Variants in IYD observed in about 807,000 individuals in gnomAD.
IYD encodes the protein iodotyrosine deiodinase 1.
A neutral mutation model predicts 28.4 loss-of-function variants in IYD; 25 were observed. The ratio of observed to expected loss-of-function variants is 0.88; its 90% confidence interval spans 0.64 to 1.23. IYD has a LOEUF of 1.23. Ranked by LOEUF, IYD falls within the 50% of genes most tolerant of loss-of-function variation. The pLI is 0.00. For synonymous variants in IYD, 140 were observed against 130.8 expected, an observed-to-expected ratio of 1.07 and a Z score of -0.48; for missense variants, 352 against 357.9, an observed-to-expected ratio of 0.98 and a Z score of 0.13.
rs777830615 is a variant in IYD, at chr6:150,398,160, G to A, written c.793G>A (p.Val265Met). 27 of 1,614,156 alleles carry A rather than the reference G, an allele frequency of 1.7e-5. No homozygotes were observed. Among genetic ancestry groups the A allele is most frequent in the South Asian group, 2.2e-5 (2 of 91,074 alleles). ...AHEKLLMLLPVGYPSKEATVP... is the reference protein window; with the variant it reads ...AHEKLLMLLPMGYPSKEATVP... ...TGAAAAGCTGCTGATGCTGCTCCCCGTGGGGTACCCCAGCAAGGAGGCCAC... is the reference window on the plus strand; with the variant it reads ...TGAAAAGCTGCTGATGCTGCTCCCCATGGGGTACCCCAGCAAGGAGGCCAC... Residue 265 changes from valine to methionine, a missense_variant, in exon 5 of 5, where the codon GTG (valine) becomes ATG (methionine). By Grantham distance (21) the Val-to-Met change is conservative (BLOSUM62 1). Coordinates refer to ENST00000344419, the MANE Select transcript of IYD (RefSeq NM_203395.3).
rs4407723 is a variant in IYD at position 150,395,397 on chromosome 6, T to A, written c.687+1142T>A. The A allele has an allele frequency of 0.073, 112,734 of 1,536,342 alleles. 12,044 individuals carry two copies. Among genetic ancestry groups the A allele is most frequent in the African/African-American group, 0.43 (31,649 of 72,946 alleles). On this transcript the variant is annotated intron_variant, in intron 4 of 4. Transcript: ENST00000344419. Reference sequence around the variant, plus strand: ...TAGTCATTGAAATGTGTTTTAGGTTTTTGGAAAAATTATCCTGAAGGAGCT... The same window carrying A: ...TAGTCATTGAAATGTGTTTTAGGTTATTGGAAAAATTATCCTGAAGGAGCT...
chr6:150,388,616 A>G (rs1039539358), intron 1 of IYD, among the ~76,000 whole-genome samples: 1 of 135,900 alleles, frequency 7.4e-6, no homozygotes, highest in Admixed American at 7.2e-5. Context: ...CTAGATTTAT[A>G]GTCTGGAGTT....
In IYD at chr6:150,394,136, A is replaced by G. The variant is rs1457416351; in HGVS notation, c.568A>G (p.Ile190Val). Reference sequence around the variant, plus strand: ...TAAAGAGTACTTGGATACTGCCCCTATTTTGATTCTCATTTTCAAACAAGT... The same window carrying G: ...TAAAGAGTACTTGGATACTGCCCCTGTTTTGATTCTCATTTTCAAACAAGT... ...WIKEYLDTAP[I>V]LILIFKQVHG... Residue 190 changes from isoleucine to valine, a missense_variant, in exon 4 of 5, where the codon ATT (isoleucine) becomes GTT (valine). Ile to Val is a conservative substitution (Grantham distance 29). Transcript: ENST00000344419. 1 of 1,614,166 alleles carries G rather than the reference A, an allele frequency of 6.2e-7. No homozygotes were observed. Among genetic ancestry groups the G allele is most frequent in the East Asian group, 2.2e-5 (1 of 44,884 alleles).
rs1056380653 is a variant in IYD at position 150,402,546 on chromosome 6, G to A, written c.*4309G>A. 3.3e-5 allele frequency: 5 copies of A among 152,254 alleles called. No homozygotes were observed. The highest frequency in any genetic ancestry group is 7.3e-5 in the Non-Finnish European group (5 of 68,052). The allele number at this position is 152,254 out of a possible 1,614,324, so 9.4% of individuals were successfully genotyped here. A position where few individuals can be genotyped will look rare whatever the true frequency, so the allele number is the denominator to read the frequency against. On this transcript the variant is annotated 3_prime_UTR_variant, in exon 5 of 5. Transcript: ENST00000344419. ...AGAAAAGGAGGGGAGAAGGAAAGTT[G>A]AAGAAATTGGTGAAATCAGAATAGG...
chr6:150,370,355 G>A (rs576624554), intron 1 of IYD: 19 of 295,194 alleles, frequency 6.4e-5, no homozygotes, highest in Non-Finnish European at 9.0e-5. Context: ...GTGCACGTGT[G>A]TGCATGAGTG....
intron 1 of IYD, among the ~76,000 whole-genome samples, chr6:150,371,324 CAGGAAGG>C (rs1777232439): frequency 1.3e-5 from 2 of 152,206 alleles, no homozygotes; most frequent in Non-Finnish European, 2.9e-5. Flanking sequence ...AGGGTAAGCT[CAGGAAGG>C]TGATTGCAGA....
rs759800028 is a variant in IYD, at chr6:150,402,349, C to T, written c.*4112C>T. On this transcript the variant is annotated 3_prime_UTR_variant, in exon 5 of 5. Transcript: ENST00000344419. Reference sequence around the variant, plus strand: ...AGGAGTGACCTCCTCAGTCTCACAACCCTTTGGCTAGAACTAGTCATGTGA... The same window carrying T: ...AGGAGTGACCTCCTCAGTCTCACAATCCTTTGGCTAGAACTAGTCATGTGA... 1 of 152,182 alleles carries T rather than the reference C, an allele frequency of 6.6e-6. No individual in the cohort carries two copies. Among genetic ancestry groups the T allele is most frequent in the Non-Finnish European group, 1.5e-5 (1 of 68,030 alleles). 9.4% of individuals were successfully genotyped at this position (152,182 alleles called of 1,614,324 possible). A position where few individuals can be genotyped will look rare whatever the true frequency, so the allele number is the denominator to read the frequency against.
rs1336469896 is a variant in IYD at position 150,395,431 on chromosome 6, T to C, written c.687+1176T>C. 12 of 1,537,270 alleles carry C rather than the reference T, an allele frequency of 7.8e-6. No homozygotes were observed. The South Asian group carries it at 1.3e-4, about 17-fold the overall frequency. ...ATTATCCTGAAGGAGCTGGCATTGATTTCCTTCCTGAATCTGTAAGCAGGT... is the reference window on the plus strand; with the variant it reads ...ATTATCCTGAAGGAGCTGGCATTGACTTCCTTCCTGAATCTGTAAGCAGGT... On this transcript the variant is annotated intron_variant, in intron 4 of 4. Coordinates refer to ENST00000344419, the MANE Select transcript of IYD (RefSeq NM_203395.3).
At chr6:150,392,272 G>T in intron 2 of IYD, 73 bp from the exon 3 acceptor site, 1 of 1,606,640 alleles carries the variant, frequency 6.2e-7, no homozygotes, top group Non-Finnish European at 8.5e-7. Context: ...CTACAGGGAT[G>T]AGCCTCTCCT....
At chr6:150,370,673 T>C (rs1266338786) in intron 1 of IYD, 1 of 985,126 alleles carries the variant, frequency 1.0e-6, no homozygotes, top group African/African-American at 1.7e-5. Context: ...TGGGTAATGG[T>C]TTGTGCTGGT....
At chr6:150,370,741 T>A in intron 1 of IYD, 2 of 827,908 alleles carry the variant, frequency 2.4e-6, no homozygotes, top group Non-Finnish European at 2.9e-6. Context: ...TGGATCAGAG[T>A]AAAGTTAATG....
chr6:150,380,845 C>A (rs531893204), intron 1 of IYD, among the ~76,000 whole-genome samples: 1 of 152,144 alleles, frequency 6.6e-6, no homozygotes, highest in Non-Finnish European at 1.5e-5. Flanking sequence ...TCTTTTGAGC[C>A]ACTGTCATAG....
intron 1 of IYD, among the ~76,000 whole-genome samples, chr6:150,379,670 G>T (rs183100158): frequency 1.3e-5 from 2 of 152,180 alleles, no homozygotes; most frequent in Non-Finnish European, 2.9e-5. Flanking sequence ...AATCGGAGAA[G>T]ATTAAAATTC....
At chr6:150,393,697 T>A (rs1395452604) in intron 3 of IYD, among the ~76,000 whole-genome samples, 3 of 152,236 alleles carry the variant, frequency 2.0e-5, no homozygotes, top group African/African-American at 7.2e-5. Context: ...CTTACATGAA[T>A]GATCTCCCTC....
intron 4 of IYD, chr6:150,396,199 G>C (rs1778306615): frequency 3.1e-6 from 1 of 321,390 alleles, no homozygotes; most frequent in African/African-American, 2.2e-5. Context: ...ACTGTGGTTT[G>C]CTGCCTACAT....
chr6:150,370,287 ATG>A (rs1190110540), intron 1 of IYD, among the ~76,000 whole-genome samples: 1 of 144,058 alleles, frequency 6.9e-6, no homozygotes, highest in Non-Finnish European at 1.5e-5. Context: ...ATTAATGTGC[ATG>A]TGTGAGTGTG....
At position 150,404,524 on chromosome 6, in the gene IYD, T is replaced by C. The variant is rs1778595506; in HGVS notation, c.*6287T>C. On this transcript the variant is annotated 3_prime_UTR_variant, in exon 5 of 5. Transcript: ENST00000344419. Reference sequence around the variant, plus strand: ...TTTGTCTTAATTGGTTATAATCTTGTCATATCAATGATTTGAAGTGCTAAA... The same window carrying C: ...TTTGTCTTAATTGGTTATAATCTTGCCATATCAATGATTTGAAGTGCTAAA... The C allele has an allele frequency of 6.6e-6, 1 of 152,230 alleles. No homozygotes were observed. Among genetic ancestry groups the C allele is most frequent in the Non-Finnish European group, 1.5e-5 (1 of 68,034 alleles). 9.4% of individuals were successfully genotyped at this position (152,230 alleles called of 1,614,324 possible). A position where few individuals can be genotyped will look rare whatever the true frequency, so the allele number is the denominator to read the frequency against.
In IYD at chr6:150,394,530, C is replaced by A. The variant is rs2076289; in HGVS notation, c.687+275C>A. ...TGAAGTTTCAAGGGTTTTGGCAGAC[C>A]CACATGAAGTACTTTGGAGCCTAAA... On this transcript the variant is annotated intron_variant, in intron 4 of 4. Coordinates refer to ENST00000344419, the MANE Select transcript of IYD (RefSeq NM_203395.3). 0.17 allele frequency among the ~76,000 whole-genome samples: 25,511 copies of A among 152,016 alleles called. 4,433 individuals are homozygous for A. Among genetic ancestry groups the A allele is most frequent in the African/African-American group, 0.43 (17,740 of 41,406 alleles).
intron 3 of IYD, among the ~76,000 whole-genome samples, chr6:150,393,620 G>A (rs1229350688): frequency 6.6e-6 from 1 of 152,168 alleles, no homozygotes; most frequent in Admixed American, 6.5e-5. Flanking sequence ...AAATGTGTGG[G>A]CCAGGGTAAT....
Sources: allele counts gnomAD v4.1 joint callset (sites outside exome capture counted in the v4.1 genomes callset), GRCh38; gene constraint gnomAD v4.1.1; transcripts MANE v1.5; gene names NCBI Gene and HGNC (gene_info 2026-07-23, HGNC 2026-07-21).